Variants in GOLGA8J observed in about 807,000 individuals in gnomAD.
GOLGA8J encodes the protein golgin A8 family member J, also known as golgin subfamily A member 8J.
In GOLGA8J, 19 loss-of-function variants were observed where a neutral mutation model predicts 67.7. That is an observed-to-expected ratio of 0.28 (90% CI 0.20 to 0.41). The LOEUF is 0.41. GOLGA8J is among the 10% of genes least tolerant of loss of function. The pLI is 1.00. For synonymous variants in GOLGA8J, 69 were observed against 215.9 expected, an observed-to-expected ratio of 0.32 and a Z score of 5.97; for missense variants, 205 against 584.3, an observed-to-expected ratio of 0.35 and a Z score of 6.69.
chr15:30,094,245 T>C lies in GOLGA8J; in HGVS notation c.*746T>C, dbSNP rs1181529470. 1.4e-5 allele frequency among the ~76,000 whole-genome samples: 2 copies of C among 144,928 alleles called. No homozygotes were observed. The highest frequency in any genetic ancestry group is 6.7e-5 in the Admixed American group (1 of 14,824). ...TATGGTGGTTCCCTTAGGATTTGTA[T>C]GTGCTCTGGGCTCATGAAGATACTG... is the stretch of plus-strand genomic sequence containing the variant. On this transcript the variant is annotated 3_prime_UTR_variant, in exon 19 of 19. Coordinates refer to ENST00000567927, the MANE Select transcript of GOLGA8J (RefSeq NM_001282472.2).
In GOLGA8J at chr15:30,092,027, G is replaced by C. The variant is rs775973184; in HGVS notation, c.1277-15G>C. 6.3e-7 allele frequency: 1 copy of C among 1,598,704 alleles called. No homozygotes were observed. The highest frequency in any genetic ancestry group is 1.1e-5 in the South Asian group (1 of 89,762). ...TGTTGGGTTGTCTGAAGACCCGTCTGACCACCCCCCACAGGACACGGAGGA... is the reference window on the plus strand; with the variant it reads ...TGTTGGGTTGTCTGAAGACCCGTCTCACCACCCCCCACAGGACACGGAGGA... On this transcript the variant is annotated splice_polypyrimidine_tract_variant and intron_variant, in intron 14 of 18. Transcript: ENST00000567927.
Position 30,095,006 on chromosome 15 carries a change from G to C in GOLGA8J, c.*1507G>C, listed in dbSNP as rs1183090841. Among the ~76,000 whole-genome samples the C allele has an allele frequency of 2.1e-5, 3 of 145,104 alleles. No individual in the cohort carries two copies. Among genetic ancestry groups the C allele is most frequent in the Non-Finnish European group, 4.5e-5 (3 of 67,360 alleles). Reference sequence around the variant, plus strand: ...AAGTGAAATATGTTTTTGTACCTCTGGGTTTCTGTTCGGGACATATTTTGT... The same window carrying C: ...AAGTGAAATATGTTTTTGTACCTCTCGGTTTCTGTTCGGGACATATTTTGT... On this transcript the variant is annotated 3_prime_UTR_variant, in exon 19 of 19. Transcript: ENST00000567927.
chr15:30,085,356 A>C (rs1473176251), intron 2 of GOLGA8J, among the ~76,000 whole-genome samples: 1 of 77,292 alleles, frequency 1.3e-5, no homozygotes, highest in Non-Finnish European at 2.1e-5. Context: ...GATTTAGGGC[A>C]AGTTGCTAGA....
In GOLGA8J at chr15:30,094,209, T is replaced by C. The variant is rs2057445733; in HGVS notation, c.*710T>C. ...TTTCATCTGTTCCGGTGCCCGGAAT[T>C]AGCAGTGTATTATGGTGGTTCCCTT... On this transcript the variant is annotated 3_prime_UTR_variant, in exon 19 of 19. Transcript: ENST00000567927. 1.4e-5 allele frequency among the ~76,000 whole-genome samples: 2 copies of C among 141,684 alleles called. No individual in the cohort carries two copies. Among genetic ancestry groups the C allele is most frequent in the Admixed American group, 6.8e-5 (1 of 14,690 alleles). 93.0% of individuals were successfully genotyped at this position (141,684 alleles called of 152,430 possible).
At position 30,095,034 on chromosome 15, in the gene GOLGA8J, A is replaced by G. The variant is rs1454667209; in HGVS notation, c.*1535A>G. On this transcript the variant is annotated 3_prime_UTR_variant, in exon 19 of 19. Transcript: ENST00000567927. ...TTTCTGTTCGGGACATATTTTGTGC[A>G]ATATTTATGTGATTGTGCCTATGCA... Among the ~76,000 whole-genome samples the G allele has an allele frequency of 5.8e-4, 84 of 144,868 alleles. No homozygotes were observed. Among genetic ancestry groups the G allele is most frequent in the Middle Eastern group, 3.5e-3 (1 of 286 alleles).
Position 30,095,369 on chromosome 15 carries a change from T to C in GOLGA8J, c.*1870T>C, listed in dbSNP as rs2057457525. Among the ~76,000 whole-genome samples, 1 of 141,492 alleles carries C rather than the reference T, an allele frequency of 7.1e-6. No individual in the cohort carries two copies. The highest frequency in any genetic ancestry group is 1.5e-5 in the Non-Finnish European group (1 of 65,976). 92.8% of individuals were successfully genotyped at this position (141,492 alleles called of 152,430 possible). A position where few individuals can be genotyped will look rare whatever the true frequency, so the allele number is the denominator to read the frequency against. On this transcript the variant is annotated 3_prime_UTR_variant, in exon 19 of 19. Transcript: ENST00000567927. The stretch of plus-strand genomic sequence containing the variant: ...GGCATTCACTGAAAGAGTGCAAATA[T>C]TCGGTCCTTGTGACTTCCACTGACT...
chr15:30,088,269 A>G (rs1438991298), intron 8 of GOLGA8J: 1 of 294,828 alleles, frequency 3.4e-6, no homozygotes, highest in Non-Finnish European at 6.3e-6. Flanking sequence ...CATCCCCAGC[A>G]AGAAAAACGG....
At position 30,096,093 on chromosome 15, in the gene GOLGA8J, CAG is replaced by C. The variant is rs1470226111; in HGVS notation, c.*2595_*2596del. Among the ~76,000 whole-genome samples, 1 of 141,332 alleles carries C rather than the reference CAG, an allele frequency of 7.1e-6. No individual in the cohort carries two copies. The highest frequency in any genetic ancestry group is 2.9e-5 in the African/African-American group (1 of 34,740). The allele number at this position is 141,332 out of a possible 152,430, so 92.7% of individuals were successfully genotyped here. A position where few individuals can be genotyped will look rare whatever the true frequency, so the allele number is the denominator to read the frequency against. On this transcript the variant is annotated 3_prime_UTR_variant, in exon 19 of 19. Coordinates refer to ENST00000567927, the MANE Select transcript of GOLGA8J (RefSeq NM_001282472.2). ...TCCTCATTCAGTATAAGGCAGCTTTCAGTTTGCTTAGAAGGCAACATTGGAAT... is the reference window on the plus strand; with the variant it reads ...TCCTCATTCAGTATAAGGCAGCTTTCTTTGCTTAGAAGGCAACATTGGAAT...
At chr15:30,087,813 T>C (rs2140563100) in intron 8 of GOLGA8J, 129 bp downstream of exon 8, 1 of 957,848 alleles carries the variant, frequency 1.0e-6, no homozygotes, top group East Asian at 2.8e-5. Flanking sequence ...TGCTACTTTT[T>C]TGTATGGTTT....
intron 13 of GOLGA8J, among the ~76,000 whole-genome samples, chr15:30,090,656 T>G (rs1595389389): frequency 8.5e-6 from 1 of 117,856 alleles, no homozygotes; most frequent in Admixed American, 8.5e-5. Flanking sequence ...GCCTGGCCAA[T>G]GTGGTAAAAC....
chr15:30,089,970 A>C lies in GOLGA8J; in HGVS notation c.1131+14A>C, dbSNP rs1367021086. The stretch of plus-strand genomic sequence containing the variant: ...TTCAAGGAGCCGGTGCGTTGCCCAA[A>C]CTGGGGAGCTTGCCCTCCTCCCTAG... On this transcript the variant is annotated intron_variant, in intron 12 of 18. Transcript: ENST00000567927. 6.6e-7 allele frequency: 1 copy of C among 1,520,444 alleles called. No individual in the cohort carries two copies. The highest frequency in any genetic ancestry group is 8.7e-7 in the Non-Finnish European group (1 of 1,145,150). 94.2% of individuals were successfully genotyped at this position (1,520,444 alleles called of 1,614,324 possible).
chr15:30,096,120 TG>T lies in GOLGA8J; in HGVS notation c.*2622del. On this transcript the variant is annotated 3_prime_UTR_variant, in exon 19 of 19. Coordinates refer to ENST00000567927, the MANE Select transcript of GOLGA8J (RefSeq NM_001282472.2). ...GTTTGCTTAGAAGGCAACATTGGAATGTTAGAGTTCATCAGAAACATAGAAT... is the reference window on the plus strand; with the variant it reads ...GTTTGCTTAGAAGGCAACATTGGAATTTAGAGTTCATCAGAAACATAGAAT... Among the ~76,000 whole-genome samples the T allele has an allele frequency of 6.9e-6, 1 of 143,888 alleles. No homozygotes were observed. The highest frequency in any genetic ancestry group is 2.2e-4 in the East Asian group (1 of 4,582). The allele number at this position is 143,888 out of a possible 152,430, so 94.4% of individuals were successfully genotyped here. A position where few individuals can be genotyped will look rare whatever the true frequency, so the allele number is the denominator to read the frequency against.
chr15:30,087,632 TAG>T lies in GOLGA8J; in HGVS notation c.544_545del (p.Ser182CysfsTer4), dbSNP rs1190492816. 3.1e-5 allele frequency: 17 copies of T among 541,910 alleles called. 1 individual carries two copies. The highest frequency in any genetic ancestry group is 7.4e-5 in the African/African-American group (2 of 26,912). The allele number at this position is 541,910 out of a possible 1,614,324, so 33.6% of individuals were successfully genotyped here. A position where few individuals can be genotyped will look rare whatever the true frequency, so the allele number is the denominator to read the frequency against. On this transcript the variant is annotated frameshift_variant, in exon 8 of 19. Coordinates refer to ENST00000567927, the MANE Select transcript of GOLGA8J (RefSeq NM_001282472.2). LOFTEE classifies it high-confidence loss of function. ...CATTCATTGCAGCGTAAAGGAGAGTTAGAGAGTGTTCTCTCTAATGTCATGGC... is the reference window on the plus strand; with the variant it reads ...CATTCATTGCAGCGTAAAGGAGAGTTAGAGTGTTCTCTCTAATGTCATGGC...
In GOLGA8J at chr15:30,094,000, A is replaced by C. The variant is rs201917792; in HGVS notation, c.*501A>C. The stretch of plus-strand genomic sequence containing the variant: ...TGCCCCCAAGTGTGCACTGTTTATT[A>C]CTTTGTAATATGCCACTATGAGTAC... On this transcript the variant is annotated 3_prime_UTR_variant, in exon 19 of 19. Transcript: ENST00000567927. 0.074 allele frequency among the ~76,000 whole-genome samples: 10,770 copies of C among 145,022 alleles called. 1,011 individuals carry two copies. The highest frequency in any genetic ancestry group is 0.15 in the South Asian group (680 of 4,564).
rs2057465388 is a variant in GOLGA8J, at chr15:30,096,198, A to G, written c.*2699A>G. 6.7e-6 allele frequency among the ~76,000 whole-genome samples: 1 copy of G among 149,484 alleles called. No individual in the cohort carries two copies. The highest frequency in any genetic ancestry group is 1.5e-5 in the Non-Finnish European group (1 of 67,776). ...ATTTTAATGTCTGTAGGAAGAATCA[A>G]AACACCTATTTAAAGATGGCAATAT... On this transcript the variant is annotated 3_prime_UTR_variant, in exon 19 of 19. Coordinates refer to ENST00000567927, the MANE Select transcript of GOLGA8J (RefSeq NM_001282472.2).
Position 30,092,052 on chromosome 15 carries a change from A to G in GOLGA8J, c.1287A>G (p.Gly429=), listed in dbSNP as rs1295956269. The G allele has an allele frequency of 6.3e-7, 1 of 1,598,306 alleles. No homozygotes were observed. The highest frequency in any genetic ancestry group is 1.4e-5 in the African/African-American group (1 of 71,798). Residue 429 remains glycine, a synonymous_variant, in exon 15 of 19, where the codon GGA becomes GGG. Transcript: ENST00000567927. ...LMALPGEGHG[G]EHLDSEGEEA... The stretch of plus-strand genomic sequence containing the variant: ...GACCACCCCCCACAGGACACGGAGG[A>G]GAACATCTGGACAGTGAGGGGGAGG...
intron 11 of GOLGA8J, among the ~76,000 whole-genome samples, 156 bp downstream of exon 11, chr15:30,089,479 G>C (rs559356660): frequency 1.5e-5 from 2 of 133,600 alleles, no homozygotes; most frequent in East Asian, 4.1e-4. Flanking sequence ...ATCTCAATGA[G>C]TCTCAGTGTC....
intron 13 of GOLGA8J, among the ~76,000 whole-genome samples, chr15:30,090,521 A>G (rs1348639365): frequency 2.0e-5 from 3 of 147,128 alleles, no homozygotes; most frequent in Admixed American, 1.3e-4. Flanking sequence ...GGAGCCCCCA[A>G]TCACAGGGGA....
At chr15:30,084,938 A>T in intron 2 of GOLGA8J, 48 bp downstream of exon 2, 1 of 1,494,666 alleles carries the variant, frequency 6.7e-7, no homozygotes, top group Non-Finnish European at 8.8e-7. Flanking sequence ...CCCAAGGGGC[A>T]GTAGAGGGTA....
Sources: gnomAD v4.1 joint callset for allele counts (sites outside exome capture counted in the v4.1 genomes callset) on GRCh38, gnomAD v4.1.1 for gene constraint, MANE v1.5 for transcripts, NCBI Gene and HGNC (gene_info 2026-07-23, HGNC 2026-07-21) for gene names.